The following RABEP1 variants were observed in gnomAD, a reference collection of about 807,000 sequenced individuals.
RABEP1 encodes rabaptin, RAB GTPase binding effector protein 1.
A neutral mutation model predicts 123.4 loss-of-function variants in RABEP1; 51 were observed. The ratio of observed to expected loss-of-function variants is 0.41; its 90% CI spans 0.33 to 0.52. The LOEUF is 0.52. RABEP1 is among the 20% of genes least tolerant of loss of function. The pLI, the probability that RABEP1 is intolerant of heterozygous loss-of-function variation, is 0.16. For synonymous variants in RABEP1, 347 were observed against 355.2 expected (o/e 0.98, Z 0.26); for missense variants, 888 against 996.3 (o/e 0.89, Z 1.46).
At chr17:5,360,406 GA>G (rs1909403267) in intron 8 of RABEP1, among the ~76,000 whole-genome samples, 1 of 152,146 alleles carries the variant, frequency 6.6e-6, no homozygotes, top group African/African-American at 2.4e-5. Flanking sequence ...ACTAAAAATA[GA>G]AAACATTAGC....
At chr17:5,352,585 C>T (rs972392527) in intron 7 of RABEP1, among the ~76,000 whole-genome samples, 21 of 150,136 alleles carry the variant, frequency 1.4e-4, no homozygotes, top group African/African-American at 5.1e-4. Flanking sequence ...AATCCCAGCA[C>T]TTTGGGAGGC....
At position 5,377,128 on chromosome 17, in the gene RABEP1, T is replaced by C; in HGVS notation, c.2038T>C (p.Leu680=). Residue 680 remains leucine (L), a synonymous_variant, in exon 14 of 18, where the codon TTG becomes CTG. Transcript: ENST00000537505. ...LPDTTEALRE[L]VLKYREDIIN... Reference sequence around the variant, plus strand: ...TTCTTGAATCCAGGCACTGCGGGAGTTGGTATTAAAATACCGTGAGGACAT... The same window carrying C: ...TTCTTGAATCCAGGCACTGCGGGAGCTGGTATTAAAATACCGTGAGGACAT... 2 of 1,596,814 alleles carry C rather than the reference T, an allele frequency of 1.3e-6. No homozygotes were observed. Among genetic ancestry groups the C allele is most frequent in the South Asian group, 2.3e-5 (2 of 86,748 alleles).
chr17:5,324,624 G>C (rs1180394776), intron 2 of RABEP1, among the ~76,000 whole-genome samples: 1 of 152,164 alleles, frequency 6.6e-6, no homozygotes, highest in Non-Finnish European at 1.5e-5. Context: ...ACAAAGTGAA[G>C]AGACAAGCTA....
intron 11 of RABEP1, among the ~76,000 whole-genome samples, chr17:5,367,425 C>T (rs1017123169): frequency 4.6e-5 from 7 of 151,880 alleles, no homozygotes; most frequent in Admixed American, 1.3e-4. Flanking sequence ...GCACCCGCCA[C>T]CACGCCCGGC....
chr17:5,354,415 T>C lies in RABEP1; in HGVS notation c.1020T>C (p.Val340=). 1 of 1,613,188 alleles carries C rather than the reference T, an allele frequency of 6.2e-7. No homozygotes were observed. The highest frequency in any genetic ancestry group is 8.5e-7 in the Non-Finnish European group (1 of 1,179,552). Residue 340 remains valine, a synonymous_variant, in exon 8 of 18, where the codon GTT becomes GTC. Transcript: ENST00000537505. ...NKRKDHKKAD[V]EEEIKIPVVC... Reference sequence around the variant, plus strand: ...GAAAGGATCACAAAAAAGCAGATGTTGAGGAAGAAATAAAAATACCAGTAG... The same window carrying C: ...GAAAGGATCACAAAAAAGCAGATGTCGAGGAAGAAATAAAAATACCAGTAG...
At chr17:5,374,733 A>T (rs1001215031) in intron 13 of RABEP1, among the ~76,000 whole-genome samples, 1 of 152,028 alleles carries the variant, frequency 6.6e-6, no homozygotes, top group Non-Finnish European at 1.5e-5. Flanking sequence ...TCTGTCTCCC[A>T]GGTTCAAGTG....
intron 11 of RABEP1, among the ~76,000 whole-genome samples, chr17:5,367,390 G>C (rs962662213): frequency 8.6e-5 from 13 of 151,688 alleles, no homozygotes; most frequent in Admixed American, 3.3e-4. Flanking sequence ...TCCTGCCTCA[G>C]CCTCCTGAGT....
chr17:5,324,449 G>A, intron 2 of RABEP1, among the ~76,000 whole-genome samples: 1 of 152,166 alleles, frequency 6.6e-6, no homozygotes, highest in Non-Finnish European at 1.5e-5. Flanking sequence ...GTAGATTAAA[G>A]ACTTAAATCT....
At chr17:5,285,610 T>C (rs1408720554) in intron 1 of RABEP1, among the ~76,000 whole-genome samples, 3 of 152,280 alleles carry the variant, frequency 2.0e-5, no homozygotes, top group African/African-American at 7.2e-5. Context: ...CATGGTTATA[T>C]GGCCATGTAA....
intron 12 of RABEP1, among the ~76,000 whole-genome samples, chr17:5,369,120 A>G (rs1910328643): frequency 6.6e-6 from 1 of 152,190 alleles, no homozygotes; most frequent in Non-Finnish European, 1.5e-5. Flanking sequence ...AAAGAAAAAA[A>G]AAATAACCTT....
At chr17:5,353,404 TTG>T (rs1908738216) in intron 7 of RABEP1, among the ~76,000 whole-genome samples, 1 of 152,240 alleles carries the variant, frequency 6.6e-6, no homozygotes. Flanking sequence ...TTGTAATTGT[TTG>T]TCTCTCCTCC....
At chr17:5,380,739 C>T (rs767666427) in intron 16 of RABEP1, among the ~76,000 whole-genome samples, 12 of 152,344 alleles carry the variant, frequency 7.9e-5, no homozygotes, top group Non-Finnish European at 1.3e-4. Flanking sequence ...CAGTTAGAAG[C>T]ACTGCTTTGA....
At chr17:5,303,134 T>C (rs769533871) in intron 1 of RABEP1, among the ~76,000 whole-genome samples, 1 of 152,224 alleles carries the variant, frequency 6.6e-6, no homozygotes, top group Non-Finnish European at 1.5e-5. Flanking sequence ...TACTGTGCTA[T>C]GTATAATGTA....
intron 1 of RABEP1, among the ~76,000 whole-genome samples, chr17:5,293,506 A>G (rs148667493): frequency 0.013 from 1,948 of 152,066 alleles, 42 homozygotes; most frequent in African/African-American, 0.044. Flanking sequence ...TCACGGCTCA[A>G]TGTAACCTTG....
intron 1 of RABEP1, among the ~76,000 whole-genome samples, chr17:5,303,772 C>T (rs535350391): frequency 6.6e-6 from 1 of 152,236 alleles, no homozygotes; most frequent in South Asian, 2.1e-4. Flanking sequence ...GTGGCTCACA[C>T]CTATAATCCC....
chr17:5,321,969 C>T (rs112817397), intron 2 of RABEP1, among the ~76,000 whole-genome samples: 9 of 152,258 alleles, frequency 5.9e-5, no homozygotes, highest in South Asian at 2.1e-4. Flanking sequence ...GAGGCCAGGG[C>T]GGGTGGATCA....
In RABEP1 at chr17:5,385,323, G is replaced by T; in HGVS notation, c.*2100G>T. Reference sequence around the variant, plus strand: ...CCCTTCTAGGCAAAAGAAAAGCTCAGTTGGGTTTCACGAGTGTTCCTGTGC... The same window carrying T: ...CCCTTCTAGGCAAAAGAAAAGCTCATTTGGGTTTCACGAGTGTTCCTGTGC... On this transcript the variant is annotated 3_prime_UTR_variant, in exon 18 of 18. Coordinates refer to ENST00000537505, the MANE Select transcript of RABEP1 (RefSeq NM_004703.6). The T allele has an allele frequency of 4.3e-6, 1 of 231,164 alleles. No homozygotes were observed. 14.3% of individuals were successfully genotyped at this position (231,164 alleles called of 1,614,324 possible).
intron 7 of RABEP1, among the ~76,000 whole-genome samples, chr17:5,352,645 A>G (rs1188806349): frequency 6.6e-6 from 1 of 151,852 alleles, no homozygotes; most frequent in African/African-American, 2.4e-5. Flanking sequence ...AGCCTGGTCA[A>G]CTTGGCGGAA....
chr17:5,326,704 C>T (rs1906004134), intron 2 of RABEP1, among the ~76,000 whole-genome samples: 1 of 151,986 alleles, frequency 6.6e-6, no homozygotes, highest in Non-Finnish European at 1.5e-5. Context: ...TACAGGGTGC[C>T]TGTAGTAGAG....
Sources: gnomAD v4.1 joint callset for allele counts (sites outside exome capture counted in the v4.1 genomes callset) on GRCh38, gnomAD v4.1.1 for gene constraint, MANE v1.5 for transcripts, NCBI Gene and HGNC (gene_info 2026-07-23, HGNC 2026-07-21) for gene names.